The following RGS20 variants were observed in gnomAD, a reference collection of about 807,000 sequenced individuals.
The protein encoded by RGS20 is regulator of G protein signaling 20.
In RGS20, 30 loss-of-function variants were observed where a neutral mutation model predicts 33.6. The observed-to-expected ratio is 0.89, with a 90% CI of 0.67 to 1.21. The LOEUF (loss-of-function observed/expected upper bound fraction) is 1.21. RGS20 is among the 50% of genes most tolerant of loss of function. RGS20 has a pLI of 0.00. For missense variants in RGS20, 472 were observed against 502.4 expected, an observed-to-expected ratio of 0.94 and a Z score of 0.58; for synonymous variants, 208 against 197.9, an observed-to-expected ratio of 1.05 and a Z score of -0.43.
intron 2 of RGS20, among the ~76,000 whole-genome samples, chr8:53,916,614 C>T (rs1228652807): frequency 6.6e-6 from 1 of 152,100 alleles, no homozygotes; most frequent in African/African-American, 2.4e-5. Flanking sequence ...AGCTTCTTAT[C>T]TGTCAATTCC....
chr8:53,905,859 GA>G (rs1219351855), intron 2 of RGS20, among the ~76,000 whole-genome samples: 2 of 152,164 alleles, frequency 1.3e-5, no homozygotes, highest in African/African-American at 4.8e-5. Context: ...AACATCTTCA[GA>G]AACTGTTTCC....
intron 2 of RGS20, among the ~76,000 whole-genome samples, chr8:53,929,984 A>AT (rs1429170174): frequency 1.3e-5 from 2 of 152,240 alleles, no homozygotes; most frequent in African/African-American, 2.4e-5. Flanking sequence ...AACACATAGC[A>AT]TACATGTCAG....
chr8:53,954,866 T>C (rs912826373), intron 5 of RGS20, among the ~76,000 whole-genome samples: 3 of 150,848 alleles, frequency 2.0e-5, no homozygotes, highest in African/African-American at 7.3e-5. Flanking sequence ...TTTTGTATTT[T>C]TAGTAGAGAC....
intron 2 of RGS20, among the ~76,000 whole-genome samples, chr8:53,896,757 A>C (rs1170223917): frequency 6.6e-6 from 1 of 152,214 alleles, no homozygotes; most frequent in Non-Finnish European, 1.5e-5. Context: ...TATTAACAGG[A>C]AAACTTAGTA....
intron 2 of RGS20, among the ~76,000 whole-genome samples, chr8:53,930,719 T>G (rs376712798): frequency 1.2e-4 from 18 of 152,202 alleles, no homozygotes; most frequent in African/African-American, 4.3e-4. Context: ...CTAATTTTTT[T>G]TGTAGTTTTG....
chr8:53,870,171 A>C (rs556249568), intron 1 of RGS20, among the ~76,000 whole-genome samples: 8 of 152,248 alleles, frequency 5.3e-5, no homozygotes, highest in African/African-American at 1.9e-4. Context: ...CCATTCTCTC[A>C]CCCAAGGCAC....
chr8:53,956,169 G>C (rs1452533154), intron 5 of RGS20, among the ~76,000 whole-genome samples: 2 of 152,196 alleles, frequency 1.3e-5, no homozygotes, highest in African/African-American at 4.8e-5. Flanking sequence ...GACATCCCAG[G>C]AGACAGGACC....
chr8:53,912,837 AT>A (rs1585914477), intron 2 of RGS20, among the ~76,000 whole-genome samples: 2 of 152,130 alleles, frequency 1.3e-5, no homozygotes, highest in African/African-American at 4.8e-5. Flanking sequence ...TAAAAACTTG[AT>A]TCTTTCCCCT....
At chr8:53,912,885 C>G (rs1813384411) in intron 2 of RGS20, among the ~76,000 whole-genome samples, 1 of 151,996 alleles carries the variant, frequency 6.6e-6, no homozygotes, top group African/African-American at 2.4e-5. Flanking sequence ...CTATCACTGT[C>G]TAAAAGTAGT....
At chr8:53,952,160 A>C (rs1281903676) in intron 4 of RGS20, among the ~76,000 whole-genome samples, 1 of 135,716 alleles carries the variant, frequency 7.4e-6, no homozygotes, top group Non-Finnish European at 1.6e-5. Flanking sequence ...TCACTGCAAC[A>C]TCTGCCTCCC....
intron 1 of RGS20, among the ~76,000 whole-genome samples, chr8:53,855,512 T>C (rs1412565617): frequency 2.0e-5 from 3 of 152,252 alleles, no homozygotes; most frequent in Non-Finnish European, 4.4e-5. Context: ...GTTCTGTGTC[T>C]TGACTGCAGT....
At chr8:53,931,405 A>G (rs1022530580) in intron 2 of RGS20, among the ~76,000 whole-genome samples, 23 of 152,140 alleles carry the variant, frequency 1.5e-4, no homozygotes, top group African/African-American at 5.6e-4. Context: ...AAATACAAAA[A>G]TTAGCTGGGC....
intron 2 of RGS20, among the ~76,000 whole-genome samples, chr8:53,939,067 A>C (rs1375424990): frequency 2.6e-5 from 4 of 151,980 alleles, no homozygotes; most frequent in African/African-American, 9.7e-5. Flanking sequence ...GACTCAGGCC[A>C]CTCTGGCATC....
At chr8:53,908,075 C>T (rs1285218898) in intron 2 of RGS20, among the ~76,000 whole-genome samples, 1 of 151,928 alleles carries the variant, frequency 6.6e-6, no homozygotes, top group Non-Finnish European at 1.5e-5. Context: ...AGAGAGCGCT[C>T]AATCTGAAGA....
At chr8:53,852,117 C>A in intron 1 of RGS20, 1 of 1,488,442 alleles carries the variant, frequency 6.7e-7, no homozygotes, top group East Asian at 2.3e-5. Flanking sequence ...AAAGTGTTTA[C>A]CCAGAAAGAA....
At chr8:53,916,533 A>G (rs1813486703) in intron 2 of RGS20, among the ~76,000 whole-genome samples, 1 of 151,970 alleles carries the variant, frequency 6.6e-6, no homozygotes, top group African/African-American at 2.4e-5. Flanking sequence ...TTCTTCTGGG[A>G]TCTGTTGTTG....
chr8:53,876,713 C>T (rs968993819), intron 1 of RGS20: 7 of 152,306 alleles, frequency 4.6e-5, no homozygotes, highest in African/African-American at 1.7e-4. Flanking sequence ...CTGGAGAAGC[C>T]GCTGGGTCCC....
At chr8:53,943,094 T>C (rs1814357518) in intron 3 of RGS20, among the ~76,000 whole-genome samples, 1 of 152,202 alleles carries the variant, frequency 6.6e-6, no homozygotes. Flanking sequence ...TGTTTATGAA[T>C]ATAATATAGT....
At chr8:53,949,280 T>C (rs1447076259) in intron 4 of RGS20, among the ~76,000 whole-genome samples, 4 of 147,712 alleles carry the variant, frequency 2.7e-5, no homozygotes, top group Admixed American at 2.1e-4. Context: ...TAAGATACAG[T>C]ATATATTTAT....
Sources: gnomAD v4.1 joint callset for allele counts (sites outside exome capture counted in the v4.1 genomes callset) on GRCh38, gnomAD v4.1.1 for gene constraint, MANE v1.5 for transcripts, NCBI Gene and HGNC (gene_info 2026-07-23, HGNC 2026-07-21) for gene names.